SH3RF2: variants seen among roughly 807,000 people sequenced by gnomAD.
SH3RF2 encodes SH3 domain containing ring finger 2.
A neutral mutation model predicts 59.0 loss-of-function variants in SH3RF2; 43 were observed. The observed-to-expected ratio is 0.73, with a 90% CI of 0.57 to 0.94. The LOEUF (loss-of-function observed/expected upper bound fraction) is 0.94, where lower values mean the gene tolerates loss of function less well. Among genes scored for constraint, SH3RF2 ranks in the 40% least tolerant of loss-of-function variants. SH3RF2 has a pLI of 0.00. For missense variants in SH3RF2, 930 were observed against 940.1 expected, an observed-to-expected ratio of 0.99 and a Z score of 0.14; for synonymous variants, 391 against 391.5, an observed-to-expected ratio of 1.00 and a Z score of 0.01.
chr5:145,965,930 TA>T (rs1758840348), intron 2 of SH3RF2, among the ~76,000 whole-genome samples: 1 of 152,178 alleles, frequency 6.6e-6, no homozygotes, highest in Non-Finnish European at 1.5e-5. Flanking sequence ...AGCTACTCCC[TA>T]AAAGAGTGAA....
chr5:145,991,963 G>T (rs770830849), intron 2 of SH3RF2, among the ~76,000 whole-genome samples: 4 of 152,198 alleles, frequency 2.6e-5, no homozygotes, highest in African/African-American at 7.2e-5. Flanking sequence ...TGATAAAAAT[G>T]CAGCTACTTG....
intron 4 of SH3RF2, among the ~76,000 whole-genome samples, chr5:146,010,747 T>G (rs1398011027): frequency 6.6e-6 from 1 of 152,204 alleles, no homozygotes; most frequent in Non-Finnish European, 1.5e-5. Context: ...TCTTGTAAAT[T>G]TGTTTGAGTT....
At chr5:146,032,714 T>G (rs1044703370) in intron 5 of SH3RF2, among the ~76,000 whole-genome samples, 5 of 152,198 alleles carry the variant, frequency 3.3e-5, no homozygotes, top group African/African-American at 1.2e-4. Flanking sequence ...TTGGGAAAGT[T>G]AGACAAGTGT....
At chr5:145,965,057 G>T (rs753909820) in intron 2 of SH3RF2, among the ~76,000 whole-genome samples, 5 of 152,040 alleles carry the variant, frequency 3.3e-5, no homozygotes, top group Non-Finnish European at 7.4e-5. Flanking sequence ...GCCAGGCATG[G>T]CAGCATGCAC....
At chr5:146,053,942 T>C (rs1268357725) in intron 7 of SH3RF2, among the ~76,000 whole-genome samples, 5 of 152,190 alleles carry the variant, frequency 3.3e-5, no homozygotes, top group African/African-American at 7.2e-5. Context: ...TTTTGAATAT[T>C]GGGCCAGCTC....
chr5:145,988,849 C>T (rs1759817582), intron 2 of SH3RF2, among the ~76,000 whole-genome samples: 1 of 152,154 alleles, frequency 6.6e-6, no homozygotes, highest in South Asian at 2.1e-4. Context: ...TAGTGTCTCC[C>T]TCCTTATCAG....
rs1203715082 is a variant in SH3RF2, at chr5:146,052,965, T to G, written c.1323-3016T>G. On this transcript the variant is annotated intron_variant, in intron 7 of 9. Coordinates refer to ENST00000359120, the MANE Select transcript of SH3RF2 (RefSeq NM_152550.4). Reference sequence around the variant, plus strand: ...TGTCTTCTGTTTATAATGATGGCTCTTCACTGCCATCCAGCCCCCTTGGTG... The same window carrying G: ...TGTCTTCTGTTTATAATGATGGCTCGTCACTGCCATCCAGCCCCCTTGGTG... Among the ~76,000 whole-genome samples the G allele has an allele frequency of 3.3e-5, 5 of 152,298 alleles. No homozygotes were observed. The East Asian group carries it at 5.8e-4, about 18-fold the overall frequency.
At chr5:146,001,596 A>C (rs922704035) in intron 3 of SH3RF2, among the ~76,000 whole-genome samples, 7 of 152,212 alleles carry the variant, frequency 4.6e-5, no homozygotes, top group African/African-American at 1.4e-4. Context: ...TGTGCCAGGC[A>C]TTAGACACAC....
At chr5:146,024,730 T>C (rs1373673675) in intron 5 of SH3RF2, among the ~76,000 whole-genome samples, 1 of 152,208 alleles carries the variant, frequency 6.6e-6, no homozygotes, top group Non-Finnish European at 1.5e-5. Flanking sequence ...TTTCTATGTA[T>C]GTTGTGAGAT....
intron 2 of SH3RF2, among the ~76,000 whole-genome samples, chr5:145,958,551 G>T (rs1411377596): frequency 6.6e-6 from 1 of 152,090 alleles, no homozygotes; most frequent in Non-Finnish European, 1.5e-5. Flanking sequence ...AAATGCCTCC[G>T]TATAAGGAAT....
chr5:145,937,190 A>G (rs1057275580), intron 1 of SH3RF2: 1 of 152,088 alleles, frequency 6.6e-6, no homozygotes, highest in African/African-American at 2.4e-5. Flanking sequence ...AAAGATGAAA[A>G]AAGAAAAGAA....
chr5:145,999,917 G>A, intron 2 of SH3RF2, 141 bp from the exon 3 acceptor site: 2 of 883,120 alleles, frequency 2.3e-6, no homozygotes, highest in Admixed American at 3.3e-5. Flanking sequence ...AACACAGGTT[G>A]CCATAAACCT....
At chr5:146,059,179 C>T (rs1489436923) in intron 8 of SH3RF2, among the ~76,000 whole-genome samples, 1 of 152,172 alleles carries the variant, frequency 6.6e-6, no homozygotes, top group Admixed American at 6.5e-5. Flanking sequence ...ATTCCAGATC[C>T]TCTGTCATGA....
At chr5:146,040,905 A>T (rs1228393143) in intron 5 of SH3RF2, among the ~76,000 whole-genome samples, 1 of 152,142 alleles carries the variant, frequency 6.6e-6, no homozygotes, top group East Asian at 1.9e-4. Context: ...AAACAAGCAC[A>T]GACAGCTTCA....
chr5:146,014,611 A>G (rs998460866), intron 5 of SH3RF2, among the ~76,000 whole-genome samples: 4 of 152,238 alleles, frequency 2.6e-5, no homozygotes, highest in African/African-American at 7.2e-5. Flanking sequence ...AAAAATGATC[A>G]AGAATTTGAA....
chr5:146,064,760 AAGGAAGGAAGGAAGGAAAGG>A (rs1561773580), downstream of SH3RF2, among the ~76,000 whole-genome samples: 55 of 6,874 alleles, frequency 8.0e-3, 3 homozygotes, highest in African/African-American at 0.012. Flanking sequence ...GGAAGGAAGG[AAGGAAGGAAGGAAGGAAAGG>A]AAGGAAGGAA....
intron 5 of SH3RF2, among the ~76,000 whole-genome samples, chr5:146,024,377 G>A (rs1428974274): frequency 6.6e-6 from 1 of 152,164 alleles, no homozygotes; most frequent in Admixed American, 6.5e-5. Flanking sequence ...GTTCTTTGGA[G>A]AACTGTTTTT....
chr5:146,049,325 G>A, intron 7 of SH3RF2, 80 bp downstream of exon 7: 1 of 1,456,100 alleles, frequency 6.9e-7, no homozygotes. Flanking sequence ...ACTGGTGGAA[G>A]ACCCAGTGCT....
rs747903040 is a variant in SH3RF2, at chr5:146,062,544, C to T, written c.2033C>T (p.Ala678Val). 6.2e-7 allele frequency: 1 copy of T among 1,614,202 alleles called. No homozygotes were observed. Among genetic ancestry groups the T allele is most frequent in the African/African-American group, 1.3e-5 (1 of 75,054 alleles). The change falls in exon 10 of 10, where the codon GCA becomes GTA. Residue 678 changes from alanine to valine, a missense_variant. Coordinates refer to ENST00000359120, the MANE Select transcript of SH3RF2 (RefSeq NM_152550.4). The part of the protein sequence containing the change: ...PATLKASQPE[A>V]ASLGPEMTVL... ...ACCCTCAAGGCGTCCCAGCCTGAAGCAGCGTCCTTGGGCCCAGAGATGACC... is the reference window on the plus strand; with the variant it reads ...ACCCTCAAGGCGTCCCAGCCTGAAGTAGCGTCCTTGGGCCCAGAGATGACC...
Sources: allele counts gnomAD v4.1 joint callset (sites outside exome capture counted in the v4.1 genomes callset), GRCh38; gene constraint gnomAD v4.1.1; transcripts MANE v1.5; gene names NCBI Gene and HGNC (gene_info 2026-07-23, HGNC 2026-07-21).